TSPEAR: variants seen among roughly 807,000 people sequenced by gnomAD.
TSPEAR encodes thrombospondin type laminin G domain and EAR repeats.
TSPEAR carries 69 observed loss-of-function variants against 71.6 expected under a neutral mutation model. The ratio of observed to expected loss-of-function variants is 0.96; its 90% CI spans 0.79 to 1.18. The LOEUF (loss-of-function observed/expected upper bound fraction) is 1.18. Among genes scored for constraint, TSPEAR ranks in the 50% most tolerant of loss-of-function variants. TSPEAR has a pLI of 0.00. For synonymous variants in TSPEAR, 402 were observed against 387.2 expected (o/e 1.04, Z -0.45); for missense variants, 971 against 894.9 (o/e 1.09, Z -1.09).
At chr21:44,584,426 CTTTAA>C (rs587596899) in intron 1 of TSPEAR, among the ~76,000 whole-genome samples, 162 of 152,282 alleles carry the variant, frequency 1.1e-3, no homozygotes, top group African/African-American at 3.7e-3. Context: ...TGAGATCTGG[CTTTAA>C]TTTGTCTTGT....
At chr21:44,592,642 C>T in intron 1 of TSPEAR, 1 of 1,177,094 alleles carries the variant, frequency 8.5e-7, no homozygotes, top group Non-Finnish European at 1.2e-6. Context: ...GTTTGTTCGC[C>T]CGTGATGTGG....
chr21:44,677,733 G>C (rs984711867), intron 1 of TSPEAR: 4 of 1,398,200 alleles, frequency 2.9e-6, no homozygotes, highest in Non-Finnish European at 4.1e-6. Context: ...AAATTCTTTT[G>C]TTACTTCTGA....
intron 1 of TSPEAR, chr21:44,627,862 G>A (rs142813376): frequency 0.031 from 50,471 of 1,613,168 alleles, 956 homozygotes; most frequent in Non-Finnish European, 0.037. Context: ...CTCCTCCTCT[G>A]TGTCCCTCCT....
intron 1 of TSPEAR, chr21:44,646,671 C>T (rs1984404468): frequency 6.2e-7 from 1 of 1,614,032 alleles, no homozygotes; most frequent in Non-Finnish European, 8.5e-7. Context: ...AATCAGGCTG[C>T]ACCAGCTCCT....
chr21:44,595,377 C>CACA (rs1980296084), intron 1 of TSPEAR, among the ~76,000 whole-genome samples: 1 of 152,198 alleles, frequency 6.6e-6, no homozygotes, highest in African/African-American at 2.4e-5. Context: ...GGGTTATGGT[C>CACA]TCATGAGCCT....
chr21:44,539,962 C>T (rs782127349), intron 2 of TSPEAR: 9 of 1,613,346 alleles, frequency 5.6e-6, no homozygotes, highest in East Asian at 2.2e-5. Context: ...AGGGGCTGGG[C>T]TCACAGGCTG....
chr21:44,679,861 C>T (rs1986496002), intron 1 of TSPEAR, among the ~76,000 whole-genome samples: 1 of 152,150 alleles, frequency 6.6e-6, no homozygotes, highest in African/African-American at 2.4e-5. Context: ...TGGATCCCTA[C>T]CTCTCATCAT....
chr21:44,677,158 G>A, intron 1 of TSPEAR: 1 of 715,978 alleles, frequency 1.4e-6, no homozygotes, highest in South Asian at 1.5e-5. Flanking sequence ...AAGTTTATAT[G>A]AGGCTTGGCC....
At chr21:44,553,249 C>G (rs185233366) in intron 2 of TSPEAR, among the ~76,000 whole-genome samples, 102 of 152,100 alleles carry the variant, frequency 6.7e-4, no homozygotes, top group African/African-American at 2.3e-3. Flanking sequence ...GCAATCTGCT[C>G]AAAGCCACAC....
intron 1 of TSPEAR, among the ~76,000 whole-genome samples, chr21:44,699,188 C>A (rs1987532029): frequency 6.6e-6 from 1 of 151,788 alleles, no homozygotes; most frequent in African/African-American, 2.4e-5. Flanking sequence ...CAGAGTGAGA[C>A]CCTGTCTCAA....
In TSPEAR at chr21:44,557,843, G is replaced by A. The variant is rs189871972; in HGVS notation, c.303+9942C>T. The A allele has an allele frequency of 5.6e-5, 36 of 640,830 alleles. No homozygotes were observed. The African/African-American group carries it at 6.0e-4, about 11-fold the overall frequency. The allele number at this position is 640,830 out of a possible 1,614,324, so 39.7% of individuals were successfully genotyped here. On this transcript the variant is annotated intron_variant, in intron 2 of 11. Coordinates refer to ENST00000323084, the MANE Select transcript of TSPEAR (RefSeq NM_144991.3). ...ACAGACTGATCACTCACATGGGGCA[G>A]GACACAGTGACCACCGGCTGGCCAG...
chr21:44,624,821 T>C (rs782075374), intron 1 of TSPEAR, among the ~76,000 whole-genome samples: 1 of 152,210 alleles, frequency 6.6e-6, no homozygotes, highest in South Asian at 2.1e-4. Context: ...AATGCCTCAA[T>C]AAGAAAATCC....
At chr21:44,681,869 G>T in intron 1 of TSPEAR, 4 of 1,613,996 alleles carry the variant, frequency 2.5e-6, no homozygotes, top group Non-Finnish European at 3.4e-6. Flanking sequence ...AGATGGGTCT[G>T]CAGAGGACGC....
At chr21:44,705,601 G>C (rs34103049) in intron 1 of TSPEAR, among the ~76,000 whole-genome samples, 33,510 of 152,138 alleles carry the variant, frequency 0.22, 4,364 homozygotes, top group Admixed American at 0.31. Flanking sequence ...TCTTATGGTT[G>C]AGACTGCAGG....
intron 1 of TSPEAR, among the ~76,000 whole-genome samples, chr21:44,624,998 T>C (rs1982676795): frequency 6.6e-6 from 1 of 152,190 alleles, no homozygotes; most frequent in South Asian, 2.1e-4. Flanking sequence ...TGTCAGCCAA[T>C]TCCCCACACA....
At chr21:44,522,161 C>T in intron 8 of TSPEAR, 49 bp from the exon 9 acceptor site, 2 of 1,567,314 alleles carry the variant, frequency 1.3e-6, no homozygotes, top group African/African-American at 2.7e-5. Context: ...TTCCACAGCC[C>T]CATGGCAGCC....
In TSPEAR at chr21:44,658,087, G is replaced by A. The variant is rs1286127794; in HGVS notation, c.82+53346C>T. On this transcript the variant is annotated intron_variant, in intron 1 of 11. Transcript: ENST00000323084. ...TGAGCTGCCAGTCCTCCGTGTGCAT[G>A]CCCGTGAGCTGCACGCGCATTGTGT... The A allele has an allele frequency of 5.0e-6, 8 of 1,613,860 alleles. No homozygotes were observed. The highest frequency in any genetic ancestry group is 3.3e-4 in the Middle Eastern group (2 of 6,084).
At chr21:44,640,150 T>C (rs887497119) in intron 1 of TSPEAR, among the ~76,000 whole-genome samples, 2 of 151,990 alleles carry the variant, frequency 1.3e-5, no homozygotes, top group African/African-American at 2.4e-5. Flanking sequence ...CATCAGAGGA[T>C]GAATGGACAA....
chr21:44,512,980 C>T (rs1555912918), intron 9 of TSPEAR, among the ~76,000 whole-genome samples: 2 of 152,204 alleles, frequency 1.3e-5, no homozygotes, highest in Admixed American at 6.5e-5. Context: ...GTCTGTGCAC[C>T]AGATTTAGCA....
Sources: gnomAD v4.1 joint callset for allele counts (sites outside exome capture counted in the v4.1 genomes callset) on GRCh38, gnomAD v4.1.1 for gene constraint, MANE v1.5 for transcripts, NCBI Gene and HGNC (gene_info 2026-07-23, HGNC 2026-07-21) for gene names.